C7orf57: variants seen among roughly 807,000 people sequenced by gnomAD.
C7orf57 encodes uncharacterized protein C7orf57.
Under a neutral mutation model 39.0 loss-of-function variants are expected in C7orf57, and 33 were observed. The ratio of observed to expected loss-of-function variants is 0.85; its 90% CI spans 0.64 to 1.13. The LOEUF (loss-of-function observed/expected upper bound fraction) is 1.13. Among genes scored for constraint, C7orf57 ranks in the 50% most tolerant of loss-of-function variants. The pLI is 0.00. For missense variants in C7orf57, 346 were observed against 362.3 expected (o/e 0.95, Z 0.37); for synonymous variants, 124 against 137.1 (o/e 0.90, Z 0.67).
In C7orf57 at chr7:48,061,172, G is replaced by A. The variant is rs147121957; in HGVS notation, c.*900G>A. ...TAAGTTTCAAATTAGTTCTCTATAT[G>A]AGATACTTAATCGAGCATATATATT... On this transcript the variant is annotated 3_prime_UTR_variant, in exon 9 of 9. Coordinates refer to ENST00000348904, the MANE Select transcript of C7orf57 (RefSeq NM_001100159.3). 1 of 152,096 alleles carries A rather than the reference G, an allele frequency of 6.6e-6. No homozygotes were observed. Among genetic ancestry groups the A allele is most frequent in the East Asian group, 1.9e-4 (1 of 5,198 alleles). 9.4% of individuals were successfully genotyped at this position (152,096 alleles called of 1,614,324 possible). A position where few individuals can be genotyped will look rare whatever the true frequency, so the allele number is the denominator to read the frequency against.
intron 4 of C7orf57, among the ~76,000 whole-genome samples, chr7:48,044,358 C>T (rs1790651864): frequency 6.6e-6 from 1 of 152,116 alleles, no homozygotes; most frequent in Non-Finnish European, 1.5e-5. Context: ...TGGGAGGGGA[C>T]CCAAAGGGGT....
Position 48,043,554 on chromosome 7 carries a change from C to A in C7orf57, c.315C>A (p.Ile105=). 2 of 1,613,858 alleles carry A rather than the reference C, an allele frequency of 1.2e-6. No individual in the cohort carries two copies. The highest frequency in any genetic ancestry group is 2.2e-5 in the East Asian group (1 of 44,872). Residue 105 remains isoleucine, a synonymous_variant, in exon 4 of 9, where the codon ATC becomes ATA. Transcript: ENST00000348904. ...CCTACTCCCTGCCAGACTGGTATAT[C>A]CACCACAGCAAGCCACCGACAGCCA... is the stretch of plus-strand genomic sequence containing the variant. The part of the protein sequence containing the change: ...PVAYSLPDWY[I]HHSKPPTASQ...
Position 48,049,750 on chromosome 7 carries a change from G to A in C7orf57, c.508-130G>A, listed in dbSNP as rs1232701334. The A allele has an allele frequency of 6.3e-6, 4 of 636,874 alleles. No homozygotes were observed. In the Admixed American group the frequency reaches 7.8e-5, roughly 12 times the overall value. The allele number at this position is 636,874 out of a possible 1,614,324, so 39.5% of individuals were successfully genotyped here. A position where few individuals can be genotyped will look rare whatever the true frequency, so the allele number is the denominator to read the frequency against. On this transcript the variant is annotated intron_variant, in intron 5 of 8. Coordinates refer to ENST00000348904, the MANE Select transcript of C7orf57 (RefSeq NM_001100159.3). Reference sequence around the variant, plus strand: ...TTATTGCTGAATTATATTTTATTGTGAGCATTTACAATGACCACATTGAAA... The same window carrying A: ...TTATTGCTGAATTATATTTTATTGTAAGCATTTACAATGACCACATTGAAA...
chr7:48,045,357 G>A (rs973561328), intron 4 of C7orf57, among the ~76,000 whole-genome samples: 1 of 152,130 alleles, frequency 6.6e-6, no homozygotes, highest in Non-Finnish European at 1.5e-5. Flanking sequence ...ATCAGAAGTG[G>A]GAGGCCTGGG....
intron 2 of C7orf57, 41 bp from the exon 3 acceptor site, chr7:48,041,293 C>T: frequency 1.3e-6 from 2 of 1,563,048 alleles, no homozygotes; most frequent in Non-Finnish European, 1.7e-6. Flanking sequence ...GCCACCCCGA[C>T]ACACAGCAAC....
intron 2 of C7orf57, 141 bp from the exon 3 acceptor site, chr7:48,041,193 C>A: frequency 3.2e-6 from 2 of 633,226 alleles, no homozygotes; most frequent in Non-Finnish European, 5.0e-6. Context: ...CAAAAGAGGG[C>A]ATTTTCTTCC....
intron 6 of C7orf57, among the ~76,000 whole-genome samples, chr7:48,050,709 G>A (rs547045723): frequency 6.6e-6 from 1 of 152,288 alleles, no homozygotes; most frequent in South Asian, 2.1e-4. Context: ...ATGTACGAGA[G>A]AGAAAATAAA....
intron 2 of C7orf57, among the ~76,000 whole-genome samples, chr7:48,040,921 C>T (rs542651053): frequency 2.6e-4 from 39 of 152,294 alleles, no homozygotes; most frequent in South Asian, 1.2e-3. Context: ...CAGGCTTACC[C>T]ATAACGTTTT....
At chr7:48,054,464 C>G (rs1033461257) in intron 7 of C7orf57, 131 bp from the exon 8 acceptor site, 20 of 526,080 alleles carry the variant, frequency 3.8e-5, no homozygotes, top group Non-Finnish European at 6.1e-5. Flanking sequence ...TTTACAATGT[C>G]AAGAGTGTTT....
chr7:48,044,135 C>T lies in C7orf57; in HGVS notation c.350+546C>T, dbSNP rs546827927. Among the ~76,000 whole-genome samples, 150 of 152,234 alleles carry T rather than the reference C, an allele frequency of 9.9e-4. 1 individual carries two copies. Among genetic ancestry groups the T allele is most frequent in the Admixed American group, 5.9e-3 (90 of 15,298 alleles). On this transcript the variant is annotated intron_variant, in intron 4 of 8. Transcript: ENST00000348904. ...CAGGAACAATGGCGAGCCTCTAGCCCGATGGGGAGCGTCAGTGGGTGCCTC... is the reference window on the plus strand; with the variant it reads ...CAGGAACAATGGCGAGCCTCTAGCCTGATGGGGAGCGTCAGTGGGTGCCTC...
At chr7:48,048,676 C>T (rs1186040597) in intron 5 of C7orf57, among the ~76,000 whole-genome samples, 1 of 152,098 alleles carries the variant, frequency 6.6e-6, no homozygotes. Context: ...TGTGTACCAC[C>T]ACAGCTGTCA....
intron 2 of C7orf57, among the ~76,000 whole-genome samples, chr7:48,037,714 T>C (rs1583797530): frequency 6.6e-6 from 1 of 152,106 alleles, no homozygotes; most frequent in African/African-American, 2.4e-5. Context: ...TTTTGCATGA[T>C]AAAAGCTGAG....
At chr7:48,050,381 A>T (rs1341503399) in intron 6 of C7orf57, among the ~76,000 whole-genome samples, 1 of 152,174 alleles carries the variant, frequency 6.6e-6, no homozygotes, top group African/African-American at 2.4e-5. Context: ...GCGCCTTGTA[A>T]GCGTGCTGGC....
intron 7 of C7orf57, among the ~76,000 whole-genome samples, chr7:48,054,243 C>T (rs1243090799): frequency 5.3e-5 from 8 of 152,020 alleles, no homozygotes; most frequent in Admixed American, 3.9e-4. Flanking sequence ...GGAGAAACCC[C>T]GTCTCTACTA....
In C7orf57 at chr7:48,051,795, T is replaced by TTTCC. The variant is rs1228700045; in HGVS notation, c.606-894_606-891dup. Among the ~76,000 whole-genome samples the TTTCC allele has an allele frequency of 4.6e-4, 36 of 77,594 alleles. 4 individuals are homozygous for TTTCC. The highest frequency in any genetic ancestry group is 1.2e-3 in the African/African-American group (24 of 19,748). 50.9% of individuals were successfully genotyped at this position (77,594 alleles called of 152,430 possible). ...CTTTCTTTCTTTCTTTCTTTCTTTC[T>TTTCC]TTCCTTCCTTCCTTTTCTCTTCTCT... On this transcript the variant is annotated intron_variant, in intron 6 of 8. Transcript: ENST00000348904.
chr7:48,059,625 A>G (rs1006632440), intron 8 of C7orf57, among the ~76,000 whole-genome samples: 9 of 152,208 alleles, frequency 5.9e-5, no homozygotes, highest in African/African-American at 2.2e-4. Context: ...TGTTGGGTTT[A>G]TAGGCGTGAG....
In C7orf57 at chr7:48,051,770, C is replaced by CTTTCTTTCT. The variant is rs1554299694; in HGVS notation, c.606-927_606-919dup. 4.2e-3 allele frequency among the ~76,000 whole-genome samples: 228 copies of CTTTCTTTCT among 54,020 alleles called. 15 individuals carry two copies. The highest frequency in any genetic ancestry group is 0.041 in the East Asian group (68 of 1,674). The allele number at this position is 54,020 out of a possible 152,430, so 35.4% of individuals were successfully genotyped here. A position where few individuals can be genotyped will look rare whatever the true frequency, so the allele number is the denominator to read the frequency against. ...TTTTCTTTTCTTTCTTTCTTTCTTTCTTTCTTTCTTTCTTTCTTTCTTTCT... is the reference window on the plus strand; with the variant it reads ...TTTTCTTTTCTTTCTTTCTTTCTTTCTTTCTTTCTTTTCTTTCTTTCTTTCTTTCTTTCT... On this transcript the variant is annotated intron_variant, in intron 6 of 8. Coordinates refer to ENST00000348904, the MANE Select transcript of C7orf57 (RefSeq NM_001100159.3).
intron 4 of C7orf57, 127 bp downstream of exon 4, chr7:48,043,716 T>C (rs971438596): frequency 2.4e-5 from 18 of 760,794 alleles, no homozygotes; most frequent in Non-Finnish European, 4.0e-5. Flanking sequence ...TCAGGTTCTC[T>C]TTTACAATAG....
In C7orf57 at chr7:48,052,889, T is replaced by A. The variant is rs2686791; in HGVS notation, c.795T>A (p.Asp265Glu). Residue 265 changes from aspartate to glutamate, a missense_variant, in exon 7 of 9, where the codon GAT becomes GAA. Coordinates refer to ENST00000348904, the MANE Select transcript of C7orf57 (RefSeq NM_001100159.3). ...EGPQDAARLQ[D>E]AEASEGPEDT... Reference sequence around the variant, plus strand: ...CCCAGGATGCAGCCAGGCTCCAGGATGCAGAGGCTTCTGAAGGTCCTGAGG... The same window carrying A: ...CCCAGGATGCAGCCAGGCTCCAGGAAGCAGAGGCTTCTGAAGGTCCTGAGG... 6.2e-7 allele frequency: 1 copy of A among 1,613,816 alleles called. No homozygotes were observed. The highest frequency in any genetic ancestry group is 8.5e-7 in the Non-Finnish European group (1 of 1,179,854).
Sources: gnomAD v4.1 joint callset for allele counts (sites outside exome capture counted in the v4.1 genomes callset) on GRCh38, gnomAD v4.1.1 for gene constraint, MANE v1.5 for transcripts, NCBI Gene and HGNC (gene_info 2026-07-23, HGNC 2026-07-21) for gene names.